Variants in PCDH15 observed in about 807,000 individuals in gnomAD.
The protein encoded by PCDH15 is protocadherin related 15.
A neutral mutation model predicts 178.5 loss-of-function variants in PCDH15; 129 were observed. The ratio of observed to expected loss-of-function variants is 0.72; its 90% CI spans 0.63 to 0.84. PCDH15 has a LOEUF of 0.84. PCDH15 is among the 40% of genes least tolerant of loss of function. PCDH15 has a pLI of 0.00. For synonymous variants in PCDH15, 800 were observed against 732.0 expected (o/e 1.09, Z -1.50); for missense variants, 2,230 against 2,099.9 (o/e 1.06, Z -1.21).
At chr10:54,357,115 C>G (rs1945142900) in intron 5 of PCDH15, among the ~76,000 whole-genome samples, 1 of 152,100 alleles carries the variant, frequency 6.6e-6, no homozygotes, top group Admixed American at 6.6e-5. Context: ...CAGGGATGCC[C>G]TCTCTCACCA....
chr10:54,038,865 C>T (rs1034837825), intron 18 of PCDH15, among the ~76,000 whole-genome samples: 1 of 151,912 alleles, frequency 6.6e-6, no homozygotes, highest in Non-Finnish European at 1.5e-5. Context: ...TAAATTATTA[C>T]AATATCATTC....
chr10:54,301,575 A>G (rs1013716561), intron 8 of PCDH15, among the ~76,000 whole-genome samples: 16 of 152,146 alleles, frequency 1.1e-4, no homozygotes, highest in African/African-American at 3.9e-4. Flanking sequence ...AATATCTTAA[A>G]AGGAATGGCT....
chr10:55,236,167 G>A (rs1841381110), intron 1 of PCDH15, among the ~76,000 whole-genome samples: 1 of 151,726 alleles, frequency 6.6e-6, no homozygotes, highest in South Asian at 2.1e-4. Flanking sequence ...TGAATAGCTT[G>A]ATTTAAATGA....
chr10:54,676,267 G>A (rs2094788457), intron 1 of PCDH15, among the ~76,000 whole-genome samples: 1 of 151,874 alleles, frequency 6.6e-6, no homozygotes, highest in African/African-American at 2.4e-5. Flanking sequence ...AAAACTTATG[G>A]TTTATATACA....
chr10:53,909,344 A>T (rs998053535), intron 25 of PCDH15, among the ~76,000 whole-genome samples: 10 of 152,158 alleles, frequency 6.6e-5, no homozygotes, highest in Admixed American at 3.3e-4. Context: ...AGTCTCGGTT[A>T]TTTCTTTATA....
chr10:54,267,144 G>C (rs759639014), intron 8 of PCDH15, among the ~76,000 whole-genome samples: 1 of 151,506 alleles, frequency 6.6e-6, no homozygotes, highest in Non-Finnish European at 1.5e-5. Flanking sequence ...CAATTAATGT[G>C]ATTTATCACA....
chr10:55,196,876 T>G (rs1008523239), intron 1 of PCDH15, among the ~76,000 whole-genome samples: 1 of 152,064 alleles, frequency 6.6e-6, no homozygotes, highest in Non-Finnish European at 1.5e-5. Context: ...ATAGCTACTC[T>G]AACTTTTTAA....
At chr10:55,464,651 T>TAC (rs1414231512) in intron 2 of PCDH15, among the ~76,000 whole-genome samples, 9 of 13,874 alleles carry the variant, frequency 6.5e-4, no homozygotes, top group African/African-American at 4.1e-3. Context: ...TATATATATA[T>TAC]ATATGTGTGT....
chr10:55,255,640 C>T (rs535747227), intron 1 of PCDH15, among the ~76,000 whole-genome samples: 13 of 152,192 alleles, frequency 8.5e-5, no homozygotes, highest in Non-Finnish European at 1.3e-4. Context: ...TTAATGATCG[C>T]CATTCTAACT....
chr10:54,997,727 A>G (rs562287519), intron 2 of PCDH15, among the ~76,000 whole-genome samples: 3 of 152,282 alleles, frequency 2.0e-5, no homozygotes, highest in South Asian at 4.1e-4. Flanking sequence ...CAGGTTATAA[A>G]ATGGTTAACA....
intron 8 of PCDH15, among the ~76,000 whole-genome samples, chr10:54,262,152 G>A (rs539240280): frequency 6.6e-6 from 1 of 152,226 alleles, no homozygotes; most frequent in South Asian, 2.1e-4. Flanking sequence ...CACATGCAGA[G>A]GCACAGTTTG....
At chr10:54,526,655 A>C (rs2083390924) in intron 3 of PCDH15, among the ~76,000 whole-genome samples, 1 of 152,230 alleles carries the variant, frequency 6.6e-6, no homozygotes, top group African/African-American at 2.4e-5. Flanking sequence ...AGATTTTAAA[A>C]ACATAATCAA....
intron 2 of PCDH15, among the ~76,000 whole-genome samples, chr10:54,631,940 C>G (rs1255270558): frequency 3.3e-5 from 5 of 152,084 alleles, no homozygotes; most frequent in Non-Finnish European, 7.4e-5. Context: ...CACCTGGTCT[C>G]TCCCTTGACA....
chr10:53,947,618 T>A (rs541617285), intron 23 of PCDH15, among the ~76,000 whole-genome samples: 3 of 151,836 alleles, frequency 2.0e-5, no homozygotes, highest in Non-Finnish European at 4.4e-5. Context: ...ATCAGAGTGA[T>A]CTAATTTTAC....
At chr10:55,071,312 C>T (rs10825456) in intron 2 of PCDH15, among the ~76,000 whole-genome samples, 119,162 of 152,062 alleles carry the variant, frequency 0.78, 47,011 homozygotes, top group East Asian at 0.94. Context: ...GCAAATTGGA[C>T]AGAGTCAAGA....
At chr10:53,807,170 A>AAATT (rs1841236538) in intron 37 of PCDH15, 40 bp from the exon 38 acceptor site, 6 of 1,480,114 alleles carry the variant, frequency 4.1e-6, no homozygotes, top group South Asian at 2.7e-5. Context: ...ACTATCAAAT[A>AAATT]AATTAAAAAG....
At position 53,831,453 on chromosome 10, in the gene PCDH15, C is replaced by T. The variant is rs371850442; in HGVS notation, c.4064G>A (p.Arg1355Gln). 24 of 1,613,966 alleles carry T rather than the reference C, an allele frequency of 1.5e-5. No individual in the cohort carries two copies. Among genetic ancestry groups the T allele is most frequent in the Admixed American group, 8.3e-5 (5 of 59,990 alleles). ...YGEGGRILEI[R>Q]TPEAVTSIKK... ...AATGCTGGTCACTGCCTCTGGAGTC[C>T]GGATCTCCAGAATGCGTCCTCCTTC... Residue 1355 changes from arginine (R) to glutamine (Q), a missense_variant, in exon 30 of 38, where the codon CGG becomes CAG. Physicochemically the swap from Arg to Gln is conservative, Grantham distance 43. Coordinates refer to ENST00000644397, the MANE Select transcript of PCDH15 (RefSeq NM_001384140.1).
chr10:55,616,723 T>C (rs1450225584), intron 2 of PCDH15, among the ~76,000 whole-genome samples: 4 of 152,142 alleles, frequency 2.6e-5, no homozygotes, highest in Admixed American at 1.3e-4. Flanking sequence ...AGTATTTGTG[T>C]ACCTAACGAT....
chr10:54,242,306 A>G (rs968061113), intron 8 of PCDH15, among the ~76,000 whole-genome samples: 3 of 150,930 alleles, frequency 2.0e-5, no homozygotes, highest in Admixed American at 1.3e-4. Context: ...CTGGTCATTT[A>G]GGTGTTCATA....
Sources: gnomAD v4.1 joint callset for allele counts (sites outside exome capture counted in the v4.1 genomes callset) on GRCh38, gnomAD v4.1.1 for gene constraint, MANE v1.5 for transcripts, NCBI Gene and HGNC (gene_info 2026-07-23, HGNC 2026-07-21) for gene names.